Variants in POLA1 observed in about 807,000 individuals in gnomAD.
POLA1 encodes DNA polymerase alpha 1, catalytic subunit.
A neutral mutation model predicts 124.0 loss-of-function variants in POLA1; 15 were observed. The ratio of observed to expected loss-of-function variants is 0.12; its 90% CI spans 0.08 to 0.19. POLA1 has a LOEUF of 0.19. Among genes scored for constraint, POLA1 ranks in the 10% least tolerant of loss-of-function variants. POLA1 has a pLI of 1.00. For synonymous variants in POLA1, 408 were observed against 389.4 expected (o/e 1.05, Z -0.56); for missense variants, 886 against 1,103.4 (o/e 0.80, Z 2.79).
intron 31 of POLA1, among the ~76,000 whole-genome samples, chrX:24,823,298 T>G (rs773655385): frequency 8.9e-6 from 1 of 112,385 alleles, no homozygotes; most frequent in East Asian, 2.8e-4. Context: ...TCAACCTGTT[T>G]GCTAGCCAAA....
intron 34 of POLA1, among the ~76,000 whole-genome samples, chrX:24,851,738 A>G (rs1477667452): frequency 8.8e-6 from 1 of 113,199 alleles, no homozygotes; most frequent in Non-Finnish European, 1.9e-5. Context: ...TTGTGCCAAA[A>G]CAGTAGAATT....
At chrX:24,844,981 G>A (rs958350186) in intron 34 of POLA1, among the ~76,000 whole-genome samples, 22 of 111,684 alleles carry the variant, frequency 2.0e-4, no homozygotes, top group African/African-American at 6.2e-4. Context: ...AGTCTATCAA[G>A]ATCTTCACCA....
At position 24,733,946 on chromosome X, in the gene POLA1, C is replaced by T. The variant is rs55727884; in HGVS notation, c.1833+130C>T. 69 of 395,675 alleles carry T rather than the reference C, an allele frequency of 1.7e-4. No individual in the cohort carries two copies. The East Asian group carries it at 2.1e-3, about 12-fold the overall frequency. 32.6% of individuals were successfully genotyped at this position (395,675 alleles called of 1,213,427 possible). Reference sequence around the variant, plus strand: ...TTCCTGCCAGATTGGACTATGACATCGACCCATTAAAATGTATTAGACATA... The same window carrying T: ...TTCCTGCCAGATTGGACTATGACATTGACCCATTAAAATGTATTAGACATA... On this transcript the variant is annotated intron_variant, in intron 17 of 36. Transcript: ENST00000379068.
At chrX:24,976,935 C>T (rs933216101) in intron 36 of POLA1, among the ~76,000 whole-genome samples, 3 of 112,140 alleles carry the variant, frequency 2.7e-5, no homozygotes, top group Admixed American at 9.4e-5. Flanking sequence ...AGCATGATTC[C>T]GGCAGACTGA....
chrX:24,795,441 G>A (rs1214851964), intron 26 of POLA1, among the ~76,000 whole-genome samples: 1 of 111,078 alleles, frequency 9.0e-6, no homozygotes, highest in East Asian at 2.8e-4. Context: ...TGGGTGACAG[G>A]CCACCATGCC....
chrX:24,772,581 C>T (rs1602363749), intron 26 of POLA1, among the ~76,000 whole-genome samples: 1 of 109,876 alleles, frequency 9.1e-6, no homozygotes, highest in Non-Finnish European at 1.9e-5. Context: ...TGTGTTGTTC[C>T]CCTCCGTCTG....
At chrX:24,796,749 C>T (rs2045613658) in intron 26 of POLA1, among the ~76,000 whole-genome samples, 1 of 111,457 alleles carries the variant, frequency 9.0e-6, no homozygotes, top group African/African-American at 3.3e-5. Context: ...TCCTTACATC[C>T]CCTCTGCTGA....
At chrX:24,812,146 A>G (rs2045912370) in intron 28 of POLA1, among the ~76,000 whole-genome samples, 1 of 112,599 alleles carries the variant, frequency 8.9e-6, no homozygotes, top group Non-Finnish European at 1.9e-5. Context: ...CCTGTCAGAA[A>G]GAGCAGAGGA....
chrX:24,915,602 A>G (rs1329424528), intron 35 of POLA1, among the ~76,000 whole-genome samples: 1 of 111,885 alleles, frequency 8.9e-6, no homozygotes, highest in African/African-American at 3.2e-5. Context: ...CACCTGGACA[A>G]ATGAAATTCA....
At chrX:24,929,545 A>G (rs1221779376) in intron 35 of POLA1, among the ~76,000 whole-genome samples, 1 of 112,246 alleles carries the variant, frequency 8.9e-6, no homozygotes, top group Non-Finnish European at 1.9e-5. Flanking sequence ...GCTTGAGCTC[A>G]TTGTTCCCCA....
intron 36 of POLA1, among the ~76,000 whole-genome samples, chrX:24,991,204 C>T (rs5943998): frequency 2.8e-5 from 3 of 108,971 alleles, no homozygotes; most frequent in Admixed American, 9.8e-5. Context: ...CCTCCCCCCC[C>T]ACACCCACCC....
intron 26 of POLA1, among the ~76,000 whole-genome samples, chrX:24,808,296 C>G (rs993847802): frequency 9.0e-6 from 1 of 111,224 alleles, no homozygotes; most frequent in South Asian, 3.9e-4. Context: ...GGTAGTCCCC[C>G]ACCGCCTGCC....
Position 24,715,190 on chromosome X carries a change from A to G in POLA1, c.512A>G (p.Asp171Gly), listed in dbSNP as rs1461573135. Residue 171 changes from aspartate (D) to glycine (G), a missense_variant, in exon 6 of 37, where the codon GAT becomes GGT. Physicochemically the swap from Asp to Gly is moderately conservative, Grantham distance 94 (BLOSUM62 -1). Coordinates refer to ENST00000379068, the MANE Select transcript of POLA1 (RefSeq NM_001330360.2). The part of the protein sequence containing the change: ...KDGLLGDILQ[D>G]LNTETPQITP... ...GGTCTGCTAGGTGACATTCTACAGGATCTTAACACTGAGGTAAATGAATCT... is the reference window on the plus strand; with the variant it reads ...GGTCTGCTAGGTGACATTCTACAGGGTCTTAACACTGAGGTAAATGAATCT... 1 of 1,146,901 alleles carries G rather than the reference A, an allele frequency of 8.7e-7. No homozygotes were observed. The highest frequency in any genetic ancestry group is 1.2e-6 in the Non-Finnish European group (1 of 836,523). The allele number at this position is 1,146,901 out of a possible 1,213,427, so 94.5% of individuals were successfully genotyped here.
chrX:24,828,736 T>C (rs1409574004), intron 32 of POLA1, among the ~76,000 whole-genome samples: 1 of 111,680 alleles, frequency 9.0e-6, no homozygotes, highest in Non-Finnish European at 1.9e-5. Context: ...GTCTCATGAA[T>C]GACATTTAAG....
At chrX:24,709,416 G>T (rs1372337973) in intron 4 of POLA1, among the ~76,000 whole-genome samples, 1 of 94,715 alleles carries the variant, frequency 1.1e-5, no homozygotes, top group Admixed American at 1.1e-4. Flanking sequence ...CCTCCCGGAC[G>T]GCACGGCTGG....
intron 34 of POLA1, among the ~76,000 whole-genome samples, chrX:24,862,520 G>A (rs1016736092): frequency 1.8e-5 from 2 of 111,663 alleles, no homozygotes; most frequent in Admixed American, 9.5e-5. Flanking sequence ...AAACGGCAGT[G>A]TAATGACTTA....
At chrX:24,828,140 T>C (rs1162735383) in intron 32 of POLA1, among the ~76,000 whole-genome samples, 1 of 112,974 alleles carries the variant, frequency 8.9e-6, no homozygotes, top group African/African-American at 3.2e-5. Context: ...TGATGATGTT[T>C]ATAAATCCTC....
At chrX:24,822,068 T>C (rs1381027979) in intron 31 of POLA1, among the ~76,000 whole-genome samples, 1 of 108,216 alleles carries the variant, frequency 9.2e-6, no homozygotes, top group Non-Finnish European at 1.9e-5. Context: ...TTCCTTCAAG[T>C]GGAGAGGGCC....
At chrX:24,759,232 T>C (rs1174153958) in intron 26 of POLA1, among the ~76,000 whole-genome samples, 1 of 112,255 alleles carries the variant, frequency 8.9e-6, no homozygotes, top group African/African-American at 3.2e-5. Context: ...TCCACCCATA[T>C]ATTGGATTTC....
Sources: allele counts gnomAD v4.1 joint callset (sites outside exome capture counted in the v4.1 genomes callset), GRCh38; gene constraint gnomAD v4.1.1; transcripts MANE v1.5; gene names NCBI Gene and HGNC (gene_info 2026-07-23, HGNC 2026-07-21).